C8orf33: variants seen among roughly 807,000 people sequenced by gnomAD.
C8orf33 encodes the protein chromosome 8 open reading frame 33, also known as UPF0488 protein C8orf33.
In C8orf33, 28 loss-of-function variants were observed where a neutral mutation model predicts 25.7. The observed-to-expected ratio is 1.09, with a 90% CI of 0.81 to 1.49. C8orf33 has a LOEUF of 1.49. C8orf33 is among the 40% of genes most tolerant of loss of function. The probability of loss-of-function intolerance (pLI) is 0.00; values close to 1 mark genes in which losing one functional copy is unlikely to be tolerated. For missense variants in C8orf33, 369 were observed against 294.4 expected, an observed-to-expected ratio of 1.25 and a Z score of -1.85; for synonymous variants, 153 against 115.9, an observed-to-expected ratio of 1.32 and a Z score of -2.06.
Position 145,054,263 on chromosome 8 carries a change from G to A in C8orf33, c.*106G>A. The A allele has an allele frequency of 5.2e-6, 7 of 1,348,234 alleles. No individual in the cohort carries two copies. The highest frequency in any genetic ancestry group is 4.1e-6 in the Non-Finnish European group (4 of 978,256). 83.5% of individuals were successfully genotyped at this position (1,348,234 alleles called of 1,614,324 possible). On this transcript the variant is annotated 3_prime_UTR_variant, in exon 5 of 5. Coordinates refer to ENST00000331434, the MANE Select transcript of C8orf33 (RefSeq NM_023080.3). ...TCTGTTGTCAGAGAACCCTGGAGTT[G>A]GTCTGTCCCTGGCTGGTCCAAGGAT...
chr8:145,054,456 T>C lies in C8orf33; in HGVS notation c.*299T>C, dbSNP rs1170005260. 1.8e-5 allele frequency: 5 copies of C among 270,728 alleles called. No individual in the cohort carries two copies. The highest frequency in any genetic ancestry group is 3.5e-5 in the Non-Finnish European group (5 of 141,938). The allele number at this position is 270,728 out of a possible 1,614,324, so 16.8% of individuals were successfully genotyped here. A position where few individuals can be genotyped will look rare whatever the true frequency, so the allele number is the denominator to read the frequency against. On this transcript the variant is annotated 3_prime_UTR_variant, in exon 5 of 5. Transcript: ENST00000331434. ...GTAGAAGGAATATTGTACTCAGTCTTTAGGATTAGATTAAGTGGCTGTTGG... is the reference window on the plus strand; with the variant it reads ...GTAGAAGGAATATTGTACTCAGTCTCTAGGATTAGATTAAGTGGCTGTTGG...
Position 145,052,774 on chromosome 8 carries a change from C to G in C8orf33, c.195C>G (p.Gly65=). ...CGCACCCGTTGGGCGATGAAGGCGG[C>G]ACAGCGTCGAAAAAACAAAAGAATA... The part of the protein sequence containing the change: ...SRAHPLGDEG[G]TASKKQKNKK... The change falls in exon 2 of 5, where the codon GGC becomes GGG. Residue 65 remains glycine (G), a synonymous_variant. Transcript: ENST00000331434. 6.2e-7 allele frequency: 1 copy of G among 1,614,160 alleles called. No homozygotes were observed. The highest frequency in any genetic ancestry group is 1.7e-5 in the Admixed American group (1 of 60,032).
Position 145,052,487 on chromosome 8 carries a change from G to T in C8orf33, c.-5G>T. On this transcript the variant is annotated 5_prime_UTR_variant, in exon 1 of 5. Coordinates refer to ENST00000331434, the MANE Select transcript of C8orf33 (RefSeq NM_023080.3). ...CCCGCGTAGTTCCGGTGGCGACTGC[G>T]GCGCATGGCGGTGAGCGGTGTGGAG... 6.3e-7 allele frequency: 1 copy of T among 1,598,476 alleles called. No individual in the cohort carries two copies. Among genetic ancestry groups the T allele is most frequent in the Non-Finnish European group, 8.5e-7 (1 of 1,179,280 alleles).
At position 145,052,809 on chromosome 8, in the gene C8orf33, C is replaced by T. The variant is rs761533312; in HGVS notation, c.230C>T (p.Thr77Met). The T allele has an allele frequency of 3.1e-6, 5 of 1,614,034 alleles. No individual in the cohort carries two copies. Among genetic ancestry groups the T allele is most frequent in the Middle Eastern group, 1.6e-4 (1 of 6,062 alleles). Reference protein sequence around the residue: ...ASKKQKNKKKTRNRASVANGG... With the variant: ...ASKKQKNKKKMRNRASVANGG... ...AAAAAACAAAAGAATAAGAAGAAAA[C>T]GCGGAACAGGGCCTCTGTGGCAAAT... Residue 77 changes from threonine (T) to methionine (M), a missense_variant, in exon 2 of 5, where the codon ACG becomes ATG. Transcript: ENST00000331434.
At chr8:145,053,902 G>A in intron 4 of C8orf33, 116 bp from the exon 5 acceptor site, 1 of 1,271,652 alleles carries the variant, frequency 7.9e-7, no homozygotes, top group Non-Finnish European at 1.1e-6. Context: ...CAAATTTGAG[G>A]AATTAATCAG....
chr8:145,054,381 A>G lies in C8orf33; in HGVS notation c.*224A>G. 1 of 463,366 alleles carries G rather than the reference A, an allele frequency of 2.2e-6. No homozygotes were observed. Among genetic ancestry groups the G allele is most frequent in the South Asian group, 3.2e-5 (1 of 30,956 alleles). 28.7% of individuals were successfully genotyped at this position (463,366 alleles called of 1,614,324 possible). A position where few individuals can be genotyped will look rare whatever the true frequency, so the allele number is the denominator to read the frequency against. ...GTTCTCTCTTTCAGAAGAGAGAGAG[A>G]GGTGCATTTAGAAAATATGCAATAA... On this transcript the variant is annotated 3_prime_UTR_variant, in exon 5 of 5. Transcript: ENST00000331434.
At position 145,055,053 on chromosome 8, in the gene C8orf33, T is replaced by C. The variant is rs934139586; in HGVS notation, c.*896T>C. The C allele has an allele frequency of 2.6e-5, 4 of 152,200 alleles. No individual in the cohort carries two copies. The highest frequency in any genetic ancestry group is 6.5e-5 in the Admixed American group (1 of 15,288). 9.4% of individuals were successfully genotyped at this position (152,200 alleles called of 1,614,324 possible). On this transcript the variant is annotated 3_prime_UTR_variant, in exon 5 of 5. Transcript: ENST00000331434. Reference sequence around the variant, plus strand: ...TGCTTCATAGGCATTTCAAACCTGATGTGTTTAAAACACTTGATTAGGCTC... The same window carrying C: ...TGCTTCATAGGCATTTCAAACCTGACGTGTTTAAAACACTTGATTAGGCTC...
Position 145,054,185 on chromosome 8 carries a change from C to T in C8orf33, c.*28C>T, listed in dbSNP as rs199770781. 3 of 1,612,330 alleles carry T rather than the reference C, an allele frequency of 1.9e-6. No individual in the cohort carries two copies. The South Asian group carries it at 3.3e-5, about 18-fold the overall frequency. On this transcript the variant is annotated 3_prime_UTR_variant, in exon 5 of 5. Coordinates refer to ENST00000331434, the MANE Select transcript of C8orf33 (RefSeq NM_023080.3). ...TCTCCCCGAACCTGAAACAATCCCC[C>T]TCCCTTGGGGTGGTGTAGGGGTTTG...
Position 145,054,012 on chromosome 8 carries a change from C to G in C8orf33, c.551-6C>G. The G allele has an allele frequency of 6.2e-7, 1 of 1,613,374 alleles. No homozygotes were observed. ...TTCTGACATACGCTGCTTCTCTCCC[C>G]GACAGCTGCTTATTCAGCCCAGGTG... is the stretch of plus-strand genomic sequence containing the variant. On this transcript the variant is annotated splice_polypyrimidine_tract_variant and splice_region_variant and intron_variant, in intron 4 of 4. Transcript: ENST00000331434.
Position 145,052,646 on chromosome 8 carries a change from T to C in C8orf33, c.67T>C (p.Ser23Pro). ...AAPGPGTPCASRGARLPGPVS... is the reference protein window; with the variant it reads ...AAPGPGTPCAPRGARLPGPVS... The stretch of plus-strand genomic sequence containing the variant: ...CCCAGGCCCGGGTACTCCCTGCGCG[T>C]CCCGCGGAGCCCGGCTTCCCGGCCC... Residue 23 changes from serine (S) to proline (P), a missense_variant, in exon 2 of 5, where the codon TCC becomes CCC. Physicochemically the swap from Ser to Pro is moderately conservative, Grantham distance 74. Transcript: ENST00000331434. 6.2e-7 allele frequency: 1 copy of C among 1,612,412 alleles called. No homozygotes were observed. Among genetic ancestry groups the C allele is most frequent in the Non-Finnish European group, 8.5e-7 (1 of 1,179,932 alleles).
chr8:145,052,661 C>T lies in C8orf33; in HGVS notation c.82C>T (p.Leu28Phe), dbSNP rs751234000. Residue 28 changes from leucine to phenylalanine, a missense_variant, in exon 2 of 5, where the codon CTT becomes TTT. Coordinates refer to ENST00000331434, the MANE Select transcript of C8orf33 (RefSeq NM_023080.3). The part of the protein sequence containing the change: ...GTPCASRGAR[L>F]PGPVSSARNP... ...TCCCTGCGCGTCCCGCGGAGCCCGGCTTCCCGGCCCAGTTTCCAGCGCCCG... is the reference window on the plus strand; with the variant it reads ...TCCCTGCGCGTCCCGCGGAGCCCGGTTTCCCGGCCCAGTTTCCAGCGCCCG... 6.2e-7 allele frequency: 1 copy of T among 1,613,428 alleles called. No individual in the cohort carries two copies. The highest frequency in any genetic ancestry group is 2.2e-5 in the East Asian group (1 of 44,882).
chr8:145,053,091 G>C lies in C8orf33; in HGVS notation c.348G>C (p.Trp116Cys). 6.2e-7 allele frequency: 1 copy of C among 1,614,188 alleles called. No individual in the cohort carries two copies. Among genetic ancestry groups the C allele is most frequent in the Non-Finnish European group, 8.5e-7 (1 of 1,180,020 alleles). ...QAQQLAQELA[W>C]CVEQLELGLK... is the part of the protein sequence containing the mutation. Reference sequence around the variant, plus strand: ...AACAGTTGGCCCAGGAATTGGCTTGGTGTGTGGAGCAACTGGAGCTGGGCC... The same window carrying C: ...AACAGTTGGCCCAGGAATTGGCTTGCTGTGTGGAGCAACTGGAGCTGGGCC... Residue 116 changes from tryptophan to cysteine, a missense_variant, in exon 3 of 5, where the codon TGG becomes TGC. Physicochemically the swap from Trp to Cys is radical, Grantham distance 215. Transcript: ENST00000331434.
At position 145,053,457 on chromosome 8, in the gene C8orf33, C is replaced by T. The variant is rs750862760; in HGVS notation, c.550+14C>T. On this transcript the variant is annotated intron_variant, in intron 4 of 4. Coordinates refer to ENST00000331434, the MANE Select transcript of C8orf33 (RefSeq NM_023080.3). ...CTCTCAGAGCTGGTGAGGAGCTAGC[C>T]ACTGGTTGATTCAGGAAGGCCTAAC... 12 of 1,613,234 alleles carry T rather than the reference C, an allele frequency of 7.4e-6. No individual in the cohort carries two copies. Among genetic ancestry groups the T allele is most frequent in the Non-Finnish European group, 1.0e-5 (12 of 1,179,706 alleles).
rs1418980374 is a variant in C8orf33, at chr8:145,052,780, G to T, written c.201G>T (p.Ala67=). The T allele has an allele frequency of 6.2e-7, 1 of 1,614,144 alleles. No homozygotes were observed. Among genetic ancestry groups the T allele is most frequent in the Non-Finnish European group, 8.5e-7 (1 of 1,180,026 alleles). Residue 67 remains alanine, a synonymous_variant, in exon 2 of 5, where the codon GCG becomes GCT. Coordinates refer to ENST00000331434, the MANE Select transcript of C8orf33 (RefSeq NM_023080.3). ...AHPLGDEGGT[A]SKKQKNKKKT... ...CGTTGGGCGATGAAGGCGGCACAGCGTCGAAAAAACAAAAGAATAAGAAGA... is the reference window on the plus strand; with the variant it reads ...CGTTGGGCGATGAAGGCGGCACAGCTTCGAAAAAACAAAAGAATAAGAAGA...
chr8:145,053,966 A>G, intron 4 of C8orf33, 52 bp from the exon 5 acceptor site: 1 of 1,589,838 alleles, frequency 6.3e-7, no homozygotes, highest in Non-Finnish European at 8.6e-7. Context: ...TGTACAGGTA[A>G]TGTTAATTGT....
chr8:145,054,007 C>T lies in C8orf33; in HGVS notation c.551-11C>T, dbSNP rs1346513446. 1.2e-6 allele frequency: 2 copies of T among 1,613,168 alleles called. No homozygotes were observed. Among genetic ancestry groups the T allele is most frequent in the South Asian group, 1.1e-5 (1 of 91,058 alleles). ...TTCAGTTCTGACATACGCTGCTTCT[C>T]TCCCCGACAGCTGCTTATTCAGCCC... On this transcript the variant is annotated splice_polypyrimidine_tract_variant and intron_variant, in intron 4 of 4. Transcript: ENST00000331434.
rs984408144 is a variant in C8orf33, at chr8:145,054,246, C to T, written c.*89C>T. 3 of 1,467,242 alleles carry T rather than the reference C, an allele frequency of 2.0e-6. No homozygotes were observed. The highest frequency in any genetic ancestry group is 1.9e-6 in the Non-Finnish European group (2 of 1,078,668). 90.9% of individuals were successfully genotyped at this position (1,467,242 alleles called of 1,614,324 possible). On this transcript the variant is annotated 3_prime_UTR_variant, in exon 5 of 5. Coordinates refer to ENST00000331434, the MANE Select transcript of C8orf33 (RefSeq NM_023080.3). ...AGAGCCTTTCCAGGACTTCTGTTGT[C>T]AGAGAACCCTGGAGTTGGTCTGTCC...
In C8orf33 at chr8:145,054,147, A is replaced by G. The variant is rs759169074; in HGVS notation, c.680A>G (p.Asn227Ser). ...ATGCCTGATGAAGAGTTTAGGTTCA[A>G]TTTCTTTTAGCGTCTCCCCGAACCT... Reference protein sequence around the residue: ...LDMPDEEFRFNFF With the variant: ...LDMPDEEFRFSFF Residue 227 changes from asparagine to serine, a missense_variant, in exon 5 of 5, where the codon AAT becomes AGT. Coordinates refer to ENST00000331434, the MANE Select transcript of C8orf33 (RefSeq NM_023080.3). 34 of 1,613,848 alleles carry G rather than the reference A, an allele frequency of 2.1e-5. No individual in the cohort carries two copies. The highest frequency in any genetic ancestry group is 3.3e-5 in the Admixed American group (2 of 59,980).
rs1229326497 is a variant in C8orf33 at position 145,054,240 on chromosome 8, T to C, written c.*83T>C. ...GAGTGCAGAGCCTTTCCAGGACTTCTGTTGTCAGAGAACCCTGGAGTTGGT... is the reference window on the plus strand; with the variant it reads ...GAGTGCAGAGCCTTTCCAGGACTTCCGTTGTCAGAGAACCCTGGAGTTGGT... On this transcript the variant is annotated 3_prime_UTR_variant, in exon 5 of 5. Coordinates refer to ENST00000331434, the MANE Select transcript of C8orf33 (RefSeq NM_023080.3). 6 of 1,498,230 alleles carry C rather than the reference T, an allele frequency of 4.0e-6. No homozygotes were observed. The African/African-American group carries it at 7.0e-5, about 17-fold the overall frequency. 92.8% of individuals were successfully genotyped at this position (1,498,230 alleles called of 1,614,324 possible).
Sources: allele counts gnomAD v4.1 joint callset, GRCh38; gene constraint gnomAD v4.1.1; transcripts MANE v1.5; gene names NCBI Gene and HGNC (gene_info 2026-07-23, HGNC 2026-07-21).